Variants in PLEKHG4B observed in about 807,000 individuals in gnomAD.
The protein encoded by PLEKHG4B is pleckstrin homology and RhoGEF domain containing G4B.
PLEKHG4B carries 111 observed loss-of-function variants against 121.3 expected under a neutral mutation model. The observed-to-expected ratio is 0.92, with a 90% CI of 0.78 to 1.07. The LOEUF (loss-of-function observed/expected upper bound fraction) is 1.07. PLEKHG4B is among the 50% of genes least tolerant of loss of function. The pLI is 0.00. For missense variants in PLEKHG4B, 1,831 were observed against 1,757.8 expected (o/e 1.04, Z -0.74); for synonymous variants, 738 against 725.0 (o/e 1.02, Z -0.29).
At position 182,225 on chromosome 5, in the gene PLEKHG4B, G is replaced by T. The variant is rs140824605; in HGVS notation, c.4786G>T (p.Glu1596Ter). The T allele has an allele frequency of 6.2e-7, 1 of 1,613,772 alleles. No individual in the cohort carries two copies. The highest frequency in any genetic ancestry group is 1.7e-5 in the Admixed American group (1 of 60,026). The change falls in exon 20 of 20, where the codon GAG becomes TAG. Residue 1596 changes from glutamate to a stop codon, truncating the protein, a stop_gained. Coordinates refer to ENST00000637938, the MANE Select transcript of PLEKHG4B (RefSeq NM_052909.5). LOFTEE classifies it low-confidence loss of function (END_TRUNC). ...PWSSDIRACVEEDEPEPELET... is the reference protein window; with the variant it reads ...PWSSDIRACV ...GTCATCTGATATCAGAGCCTGCGTC[G>T]AGGAAGATGAGCCAGAGCCAGAACT...
intron 2 of PLEKHG4B, among the ~76,000 whole-genome samples, chr5:132,393 TAATA>T (rs1378476727): frequency 6.6e-6 from 1 of 152,256 alleles, no homozygotes; most frequent in Admixed American, 6.5e-5. Flanking sequence ...CTTTTTACTT[TAATA>T]AAGTCCCATC....
At chr5:116,622 C>G (rs116128054) in intron 2 of PLEKHG4B, among the ~76,000 whole-genome samples, 1 of 152,182 alleles carries the variant, frequency 6.6e-6, no homozygotes, top group Non-Finnish European at 1.5e-5. Context: ...TAGTGATAGC[C>G]GGGTTGTGGG....
chr5:116,775 T>A (rs1357760698), intron 2 of PLEKHG4B, among the ~76,000 whole-genome samples: 1 of 152,232 alleles, frequency 6.6e-6, no homozygotes, highest in Non-Finnish European at 1.5e-5. Flanking sequence ...TTTATTAGAC[T>A]CGTTGAGTGT....
In PLEKHG4B at chr5:142,804, G is replaced by T. The variant is rs549129971; in HGVS notation, c.1478-243G>T. Among the ~76,000 whole-genome samples, 11 of 152,382 alleles carry T rather than the reference G, an allele frequency of 7.2e-5. No individual in the cohort carries two copies. In the South Asian group the frequency reaches 2.1e-3, roughly 29 times the overall value. On this transcript the variant is annotated intron_variant, in intron 3 of 19. Coordinates refer to ENST00000637938, the MANE Select transcript of PLEKHG4B (RefSeq NM_052909.5). ...GTTCCTCCTGAGGCGTCTGCAGGTA[G>T]TGAGCATGTCTGTGAGCTGGAGACT...
At chr5:102,003 G>A (rs1185910922) in intron 1 of PLEKHG4B, among the ~76,000 whole-genome samples, 1 of 85,470 alleles carries the variant, frequency 1.2e-5, no homozygotes, top group Admixed American at 9.8e-5. Context: ...GGGAGAGACT[G>A]TTGTGAGGTT....
At position 187,630 on chromosome 5, in the gene PLEKHG4B, C is replaced by T. The variant is rs1277195299; in HGVS notation, c.*5307C>T. 1 of 152,256 alleles carries T rather than the reference C, an allele frequency of 6.6e-6. No individual in the cohort carries two copies. Among genetic ancestry groups the T allele is most frequent in the Non-Finnish European group, 1.5e-5 (1 of 68,108 alleles). 9.4% of individuals were successfully genotyped at this position (152,256 alleles called of 1,614,324 possible). A position where few individuals can be genotyped will look rare whatever the true frequency, so the allele number is the denominator to read the frequency against. Reference sequence around the variant, plus strand: ...AAGGAAAGACCTTTCCTTGGCTGACCCTAAAGTAGCCAAGGGGAGCTCACA... The same window carrying T: ...AAGGAAAGACCTTTCCTTGGCTGACTCTAAAGTAGCCAAGGGGAGCTCACA... On this transcript the variant is annotated 3_prime_UTR_variant, in exon 20 of 20. Coordinates refer to ENST00000637938, the MANE Select transcript of PLEKHG4B (RefSeq NM_052909.5).
intron 9 of PLEKHG4B, 140 bp downstream of exon 9, chr5:155,583 C>T: frequency 1.5e-6 from 1 of 686,520 alleles, no homozygotes; most frequent in Non-Finnish European, 2.5e-6. Context: ...ATTTGTAGAT[C>T]CCTCTTAATT....
intron 9 of PLEKHG4B, among the ~76,000 whole-genome samples, chr5:155,784 G>A (rs1001200639): frequency 2.0e-5 from 3 of 152,170 alleles, no homozygotes; most frequent in African/African-American, 4.8e-5. Flanking sequence ...AGGTCTAGGG[G>A]CCCAGAGTCT....
intron 13 of PLEKHG4B, among the ~76,000 whole-genome samples, chr5:164,321 TCA>T (rs1435169653): frequency 1.1e-4 from 17 of 152,314 alleles, no homozygotes; most frequent in African/African-American, 3.8e-4. Flanking sequence ...CCTAGATCCC[TCA>T]CATGTGCAGT....
At chr5:127,021 C>T (rs562994932) in intron 2 of PLEKHG4B, among the ~76,000 whole-genome samples, 1 of 152,284 alleles carries the variant, frequency 6.6e-6, no homozygotes, top group African/African-American at 2.4e-5. Flanking sequence ...GTTCTTTCCA[C>T]TTGGCCAGCG....
Position 161,775 on chromosome 5 carries a change from G to T in PLEKHG4B, c.2488-8G>T. The T allele has an allele frequency of 6.2e-7, 1 of 1,613,480 alleles. No individual in the cohort carries two copies. The highest frequency in any genetic ancestry group is 2.2e-5 in the East Asian group (1 of 44,874). ...GGCTTGTACTGATGCTTTGTTCCTT[G>T]GGTACAGCAATCCTGCCAGAAAGGA... On this transcript the variant is annotated splice_polypyrimidine_tract_variant and splice_region_variant and intron_variant, in intron 11 of 19. Coordinates refer to ENST00000637938, the MANE Select transcript of PLEKHG4B (RefSeq NM_052909.5).
chr5:120,541 G>A (rs956342269), intron 2 of PLEKHG4B, among the ~76,000 whole-genome samples: 9 of 152,144 alleles, frequency 5.9e-5, no homozygotes, highest in Non-Finnish European at 1.2e-4. Context: ...TGGGCTGAAA[G>A]GTGGAGAGAG....
chr5:98,542 C>G (rs1354211313), intron 1 of PLEKHG4B, among the ~76,000 whole-genome samples: 2 of 135,702 alleles, frequency 1.5e-5, no homozygotes, highest in Non-Finnish European at 3.1e-5. Flanking sequence ...TCAAGCGATT[C>G]TCCTGGCTCA....
At chr5:122,141 G>A (rs1734486531) in intron 2 of PLEKHG4B, among the ~76,000 whole-genome samples, 1 of 151,926 alleles carries the variant, frequency 6.6e-6, no homozygotes, top group African/African-American at 2.4e-5. Context: ...GTAATCTTGA[G>A]AGCAAAAATA....
At chr5:180,065 G>A (rs1736883310) in intron 18 of PLEKHG4B, among the ~76,000 whole-genome samples, 1 of 152,022 alleles carries the variant, frequency 6.6e-6, no homozygotes, top group South Asian at 2.1e-4. Context: ...ATTATCTGGG[G>A]TTTTCCTCAG....
At chr5:148,098 A>T (rs1319871558) in intron 6 of PLEKHG4B, among the ~76,000 whole-genome samples, 1 of 152,252 alleles carries the variant, frequency 6.6e-6, no homozygotes, top group Non-Finnish European at 1.5e-5. Flanking sequence ...TAAAAGTTAT[A>T]TGAAAAATCT....
chr5:160,158 G>A (rs937954960), intron 11 of PLEKHG4B, among the ~76,000 whole-genome samples: 1 of 152,196 alleles, frequency 6.6e-6, no homozygotes, highest in Non-Finnish European at 1.5e-5. Flanking sequence ...TTTTACACAC[G>A]GGATGCCGCA....
rs1733728160 is a variant in PLEKHG4B, at chr5:189,514, A to G, written c.*7191A>G. ...GGTCCCATGTAGTTAGCAGGACAGC[A>G]CTTGAGTTAGGTCTGAGAAAGAACG... On this transcript the variant is annotated 3_prime_UTR_variant, in exon 20 of 20. Coordinates refer to ENST00000637938, the MANE Select transcript of PLEKHG4B (RefSeq NM_052909.5). 6.6e-6 allele frequency: 1 copy of G among 152,322 alleles called. No individual in the cohort carries two copies. The highest frequency in any genetic ancestry group is 2.4e-5 in the African/African-American group (1 of 41,460). 9.4% of individuals were successfully genotyped at this position (152,322 alleles called of 1,614,324 possible).
chr5:98,381 C>T (rs1733688629), intron 1 of PLEKHG4B, among the ~76,000 whole-genome samples: 1 of 141,260 alleles, frequency 7.1e-6, no homozygotes, highest in Non-Finnish European at 1.5e-5. Flanking sequence ...TCTATACCCT[C>T]AATGTCAATT....
Sources: gnomAD v4.1 joint callset for allele counts (sites outside exome capture counted in the v4.1 genomes callset) on GRCh38, gnomAD v4.1.1 for gene constraint, MANE v1.5 for transcripts, NCBI Gene and HGNC (gene_info 2026-07-23, HGNC 2026-07-21) for gene names.